The following VAV2 variants were observed in gnomAD, a reference collection of about 807,000 sequenced individuals.
The protein encoded by VAV2 is vav guanine nucleotide exchange factor 2.
A neutral mutation model predicts 132.5 loss-of-function variants in VAV2; 67 were observed. The ratio of observed to expected loss-of-function variants is 0.51; its 90% confidence interval spans 0.42 to 0.62. The LOEUF is 0.62. VAV2 is among the 20% of genes least tolerant of loss of function. The probability of loss-of-function intolerance (pLI) is 0.00; values close to 1 mark genes in which losing one functional copy is unlikely to be tolerated. For missense variants in VAV2, 938 were observed against 1,153.6 expected (o/e 0.81, Z 2.71); for synonymous variants, 492 against 443.5 (o/e 1.11, Z -1.37).
chr9:133,916,613 G>C (rs1840100761), intron 2 of VAV2, among the ~76,000 whole-genome samples: 1 of 152,074 alleles, frequency 6.6e-6, no homozygotes, highest in African/African-American at 2.4e-5. Flanking sequence ...CAGAGAAAGG[G>C]AGAGAGAAGA....
chr9:133,784,173 C>T (rs561086798), intron 18 of VAV2, 144 bp downstream of exon 18: 37 of 860,564 alleles, frequency 4.3e-5, no homozygotes, highest in Non-Finnish European at 6.3e-5. Context: ...ATGCCTGGCA[C>T]GGGCCTGACT....
intron 1 of VAV2, among the ~76,000 whole-genome samples, chr9:133,955,323 G>A (rs111467193): frequency 5.9e-5 from 9 of 151,788 alleles, no homozygotes; most frequent in African/African-American, 1.5e-4. Flanking sequence ...ATGCCAAGGC[G>A]AGGCTCCTGG....
chr9:133,982,573 G>A (rs568847629), intron 1 of VAV2, among the ~76,000 whole-genome samples: 6 of 152,018 alleles, frequency 3.9e-5, no homozygotes, highest in Admixed American at 2.0e-4. Context: ...TCTGGCTGGC[G>A]GGGCAGGAGG....
rs1372827229 is a variant in VAV2 at position 133,860,335 on chromosome 9, T to C, written c.380+1039A>G. ...AAAAAAGTCTATCCTATATTTCACA[T>C]TTTTTAAAAACCTCAATTCAAAGGA... On this transcript the variant is annotated intron_variant, in intron 3 of 29. Transcript: ENST00000371850. Among the ~76,000 whole-genome samples the C allele has an allele frequency of 2.6e-5, 4 of 152,134 alleles. No homozygotes were observed. In the South Asian group the frequency reaches 6.2e-4, roughly 24 times the overall value.
chr9:133,913,298 C>T (rs1193164424), intron 2 of VAV2, among the ~76,000 whole-genome samples: 2 of 152,170 alleles, frequency 1.3e-5, no homozygotes, highest in African/African-American at 2.4e-5. Flanking sequence ...CCACACAGAA[C>T]GGGAGACACA....
chr9:133,902,260 A>G (rs1839474759), intron 2 of VAV2, among the ~76,000 whole-genome samples: 1 of 152,184 alleles, frequency 6.6e-6, no homozygotes, highest in South Asian at 2.1e-4. Flanking sequence ...CAATCCACAC[A>G]ACATGCACAG....
At chr9:133,968,614 G>A (rs770504356) in intron 1 of VAV2, among the ~76,000 whole-genome samples, 9 of 152,256 alleles carry the variant, frequency 5.9e-5, no homozygotes, top group Admixed American at 3.9e-4. Flanking sequence ...GAGCCTACAC[G>A]ACCCGGGCTC....
chr9:133,948,472 G>A (rs781233372), intron 1 of VAV2, among the ~76,000 whole-genome samples: 7 of 152,162 alleles, frequency 4.6e-5, no homozygotes, highest in Non-Finnish European at 8.8e-5. Context: ...TTGCCCCCAG[G>A]TCAGGGGCAG....
rs1389552869 is a variant in VAV2 at position 133,788,079 on chromosome 9, A to T, written c.1407+275T>A. On this transcript the variant is annotated intron_variant, in intron 15 of 29. Transcript: ENST00000371850. The surrounding 1 kb of genome is among the most constrained non-coding windows in gnomAD (Gnocchi z 5.3). ...TGGGGTGGCCTCTCCCCTCTGCCTC[A>T]GTCGCCTCACTGGGGAGTGGGATTC... is the stretch of plus-strand genomic sequence containing the variant. Among the ~76,000 whole-genome samples the T allele has an allele frequency of 1.3e-5, 2 of 152,220 alleles. No homozygotes were observed. Among genetic ancestry groups the T allele is most frequent in the Non-Finnish European group, 2.9e-5 (2 of 68,038 alleles).
At chr9:133,798,680 T>C (rs1834815742) in intron 9 of VAV2, among the ~76,000 whole-genome samples, 1 of 152,130 alleles carries the variant, frequency 6.6e-6, no homozygotes, top group Non-Finnish European at 1.5e-5. Context: ...GTGACAATGT[T>C]GGTGACAACA....
chr9:133,988,342 G>T (rs1200250477), intron 1 of VAV2, among the ~76,000 whole-genome samples: 1 of 152,172 alleles, frequency 6.6e-6, no homozygotes, highest in Non-Finnish European at 1.5e-5. Flanking sequence ...GCCAGCTTAG[G>T]AAGGCCTGCA....
intron 29 of VAV2, among the ~76,000 whole-genome samples, chr9:133,765,142 A>C (rs1833391516): frequency 6.6e-6 from 1 of 152,202 alleles, no homozygotes; most frequent in Non-Finnish European, 1.5e-5. Flanking sequence ...GATAGTCAAA[A>C]AATCACTATT....
intron 4 of VAV2, among the ~76,000 whole-genome samples, chr9:133,817,448 T>A (rs1400163387): frequency 2.9e-4 from 44 of 151,810 alleles, no homozygotes; most frequent in African/African-American, 1.0e-3. Flanking sequence ...AGGTCAGGAG[T>A]TCGAGGCCAG....
At chr9:133,924,343 C>T (rs991357651) in intron 2 of VAV2, among the ~76,000 whole-genome samples, 5 of 152,134 alleles carry the variant, frequency 3.3e-5, no homozygotes, top group South Asian at 2.1e-4. Flanking sequence ...TGCACCACCA[C>T]ACCCAGCTAA....
At chr9:133,923,528 C>CT in intron 2 of VAV2, among the ~76,000 whole-genome samples, 1 of 152,302 alleles carries the variant, frequency 6.6e-6, no homozygotes, top group Non-Finnish European at 1.5e-5. Flanking sequence ...AATAGGAACG[C>CT]TTTTACACTG....
At chr9:133,973,265 C>T (rs529274303) in intron 1 of VAV2, among the ~76,000 whole-genome samples, 1,960 of 152,328 alleles carry the variant, frequency 0.013, 34 homozygotes, top group African/African-American at 0.044. Context: ...GAGCGTCAAC[C>T]CCCTGCATCC....
chr9:133,766,884 T>C (rs1248090512), intron 29 of VAV2, among the ~76,000 whole-genome samples: 2 of 150,024 alleles, frequency 1.3e-5, no homozygotes, highest in Non-Finnish European at 3.0e-5. Flanking sequence ...GGGAGGAAAA[T>C]GGATGCAATC....
chr9:133,808,892 A>G, intron 7 of VAV2, 148 bp downstream of exon 7: 1 of 686,820 alleles, frequency 1.5e-6, no homozygotes, highest in Non-Finnish European at 2.4e-6. Flanking sequence ...GGGTACCTGG[A>G]GGCAGAGCTG....
intron 3 of VAV2, among the ~76,000 whole-genome samples, chr9:133,852,873 G>A (rs553554355): frequency 2.8e-4 from 42 of 152,152 alleles, no homozygotes; most frequent in African/African-American, 9.6e-4. Flanking sequence ...TGACCCATTG[G>A]GCCCCCCCTG....
Sources: gnomAD v4.1 joint callset for allele counts (sites outside exome capture counted in the v4.1 genomes callset) on GRCh38, gnomAD v4.1.1 for gene constraint, Gnocchi (gnomAD v3.1) non-coding constraint, MANE v1.5 for transcripts, NCBI Gene and HGNC (gene_info 2026-07-23, HGNC 2026-07-21) for gene names.